AMPD3: variants seen among roughly 807,000 people sequenced by gnomAD.
The protein encoded by AMPD3 is adenosine monophosphate deaminase 3.
A neutral mutation model predicts 82.3 loss-of-function variants in AMPD3; 57 were observed. The ratio of observed to expected loss-of-function variants is 0.69; its 90% CI spans 0.56 to 0.86. The LOEUF (loss-of-function observed/expected upper bound fraction) is 0.86, where lower values mean the gene tolerates loss of function less well. AMPD3 is among the 40% of genes least tolerant of loss of function. The pLI is 0.00. For missense variants in AMPD3, 870 were observed against 1,003.8 expected (o/e 0.87, Z 1.80); for synonymous variants, 381 against 394.7 (o/e 0.97, Z 0.41).
At chr11:10,484,689 C>T in intron 4 of AMPD3, 131 bp from the exon 5 acceptor site, 2 of 1,247,858 alleles carry the variant, frequency 1.6e-6, no homozygotes, top group Non-Finnish European at 2.3e-6. Flanking sequence ...CAGGGAAGAG[C>T]ATATGAGATG....
chr11:10,453,582 CT>C (rs558001771), upstream of AMPD3, among the ~76,000 whole-genome samples: 58 of 151,680 alleles, frequency 3.8e-4, no homozygotes, highest in South Asian at 0.012. Flanking sequence ...CTTTCTTTTT[CT>C]TTTTCTTTTT....
chr11:10,469,421 A>G (rs890310337), intron 2 of AMPD3, among the ~76,000 whole-genome samples: 4 of 152,226 alleles, frequency 2.6e-5, no homozygotes, highest in Non-Finnish European at 5.9e-5. Flanking sequence ...TCCTGGATGC[A>G]TACACTCTCC....
chr11:10,487,352 T>C lies in AMPD3; in HGVS notation c.927T>C (p.Tyr309=), dbSNP rs148361253. ...ELKSNPHRDF[Y]NVRKVDTHIH... ...AGAGTAACCCCCACCGGGACTTCTA[T>C]AACGTGAGAAAGGTGCGTTAGGGGC... is the stretch of plus-strand genomic sequence containing the variant. Residue 309 remains tyrosine (Y), a synonymous_variant, in exon 6 of 15, where the codon TAT becomes TAC. Coordinates refer to ENST00000396553, the MANE Select transcript of AMPD3 (RefSeq NM_001025389.2). 4 of 1,614,096 alleles carry C rather than the reference T, an allele frequency of 2.5e-6. No individual in the cohort carries two copies. Among genetic ancestry groups the C allele is most frequent in the Non-Finnish European group, 3.4e-6 (4 of 1,179,980 alleles).
In AMPD3 at chr11:10,495,686, G is replaced by A. The variant is rs199742272; in HGVS notation, c.1383G>A (p.Lys461=). ...TGGCCTACTGGTTCATCCAGCACAA[G>A]GTCTACTCTCCCAACATGCGCTGGA... The part of the protein sequence containing the change: ...PNLAYWFIQH[K]VYSPNMRWII... Residue 461 remains lysine (K), a synonymous_variant, in exon 9 of 15, where the codon AAG becomes AAA. Transcript: ENST00000396553. 56 of 1,614,136 alleles carry A rather than the reference G, an allele frequency of 3.5e-5. No homozygotes were observed. In the East Asian group the frequency reaches 1.2e-3, roughly 34 times the overall value.
chr11:10,496,776 G>C, intron 9 of AMPD3, 36 bp from the exon 10 acceptor site: 1 of 1,614,026 alleles, frequency 6.2e-7, no homozygotes, highest in Non-Finnish European at 8.5e-7. Context: ...CAGGCTGTTG[G>C]ATCCACCTGA....
intron 1 of AMPD3, chr11:10,455,891 C>G: frequency 1.0e-6 from 1 of 984,794 alleles, no homozygotes; most frequent in Non-Finnish European, 1.2e-6. Context: ...TAAAATGCAG[C>G]CAGGCCTGAA....
upstream of AMPD3, among the ~76,000 whole-genome samples, chr11:10,454,965 A>G (rs563084772): frequency 5.4e-5 from 8 of 147,740 alleles, no homozygotes; most frequent in African/African-American, 1.8e-4. Flanking sequence ...CTGGGTAGCT[A>G]AAGCCCAGCA....
chr11:10,475,060 G>A (rs528171032), intron 2 of AMPD3, among the ~76,000 whole-genome samples: 101 of 152,298 alleles, frequency 6.6e-4, no homozygotes, highest in African/African-American at 2.1e-3. Flanking sequence ...ATAAAATAAT[G>A]AGGTATAATT....
intron 2 of AMPD3, among the ~76,000 whole-genome samples, chr11:10,477,556 A>T (rs4910143): frequency 4.6e-5 from 7 of 152,142 alleles, no homozygotes; most frequent in African/African-American, 1.4e-4. Context: ...GCAAATAAGC[A>T]TGGGCTTGTG....
At chr11:10,460,394 C>CACACTCACCACAAAA (rs1848232987) in intron 1 of AMPD3, among the ~76,000 whole-genome samples, 1 of 146,194 alleles carries the variant, frequency 6.8e-6, no homozygotes, top group South Asian at 2.3e-4. Flanking sequence ...CCACCACACC[C>CACACTCACCACAAAA]GGCCCCAGAG....
intron 2 of AMPD3, among the ~76,000 whole-genome samples, chr11:10,467,295 A>G (rs1033918218): frequency 1.3e-5 from 2 of 152,230 alleles, no homozygotes; most frequent in African/African-American, 4.8e-5. Context: ...ATTGCTAACT[A>G]GAAAAACCAG....
Position 10,461,666 on chromosome 11 carries a change from CG to C in AMPD3, c.150del (p.Gln51LysfsTer30). 1 of 1,614,198 alleles carries C rather than the reference CG, an allele frequency of 6.2e-7. No homozygotes were observed. ...LFTVPEDCPIGQKEAKERELQ... is the reference protein window; with the variant it reads ...LFTVPEDCPIXQKEAKERELQ... Reference sequence around the variant, plus strand: ...TCACTGTCCCAGAGGACTGCCCCATCGGGCAAAAGGAAGCCAAGGAGAGGGA... The same window carrying C: ...TCACTGTCCCAGAGGACTGCCCCATCGGCAAAAGGAAGCCAAGGAGAGGGA... On this transcript the variant is annotated frameshift_variant, in exon 2 of 15. Coordinates refer to ENST00000396553, the MANE Select transcript of AMPD3 (RefSeq NM_001025389.2). LOFTEE classifies it high-confidence loss of function.
At chr11:10,498,957 G>A (rs1208654562) in intron 10 of AMPD3, among the ~76,000 whole-genome samples, 1 of 152,230 alleles carries the variant, frequency 6.6e-6, no homozygotes, top group Non-Finnish European at 1.5e-5. Context: ...CAGCCCCCCA[G>A]GGGTCCCAGC....
chr11:10,474,031 C>T (rs1205599150), intron 2 of AMPD3, among the ~76,000 whole-genome samples: 1 of 152,152 alleles, frequency 6.6e-6, no homozygotes, highest in Non-Finnish European at 1.5e-5. Context: ...CCCCCTCTGA[C>T]CCCATTGCTC....
At chr11:10,480,984 T>C (rs1160739212) in intron 3 of AMPD3, among the ~76,000 whole-genome samples, 3 of 152,184 alleles carry the variant, frequency 2.0e-5, no homozygotes, top group African/African-American at 7.2e-5. Flanking sequence ...CGGGAATTTA[T>C]CTCATTCATC....
chr11:10,496,863 G>A lies in AMPD3; in HGVS notation c.1482G>A (p.Glu494=). Residue 494 remains glutamate, a synonymous_variant, in exon 10 of 15, where the codon GAG becomes GAA. Coordinates refer to ENST00000396553, the MANE Select transcript of AMPD3 (RefSeq NM_001025389.2). The stretch of plus-strand genomic sequence containing the variant: ...TGCCAAACTTTGGGAAGATGCTGGA[G>A]AACATCTTCCTGCCCCTTTTCAAGG... ...KLLPNFGKML[E]NIFLPLFKAT... 1 of 1,614,004 alleles carries A rather than the reference G, an allele frequency of 6.2e-7. No individual in the cohort carries two copies. Among genetic ancestry groups the A allele is most frequent in the Non-Finnish European group, 8.5e-7 (1 of 1,179,876 alleles).
intron 5 of AMPD3, 29 bp downstream of exon 5, chr11:10,485,068 C>G: frequency 1.3e-6 from 2 of 1,591,096 alleles, no homozygotes; most frequent in Non-Finnish European, 1.7e-6. Flanking sequence ...GGCTGCCTGT[C>G]TTTGCACAGG....
At chr11:10,463,850 G>C (rs1848340560) in intron 2 of AMPD3, among the ~76,000 whole-genome samples, 1 of 152,226 alleles carries the variant, frequency 6.6e-6, no homozygotes, top group Non-Finnish European at 1.5e-5. Context: ...CATTTGACTA[G>C]ACGCTCCTTG....
intron 10 of AMPD3, 89 bp downstream of exon 10, chr11:10,497,027 T>C: frequency 6.6e-7 from 1 of 1,507,322 alleles, no homozygotes; most frequent in Non-Finnish European, 9.2e-7. Flanking sequence ...GCTCCTGCCC[T>C]TCACGATGGT....
Sources: allele counts gnomAD v4.1 joint callset (sites outside exome capture counted in the v4.1 genomes callset), GRCh38; gene constraint gnomAD v4.1.1; transcripts MANE v1.5; gene names NCBI Gene and HGNC (gene_info 2026-07-23, HGNC 2026-07-21).